The following DLEC1 variants were observed in gnomAD, a reference collection of about 807,000 sequenced individuals.
The protein encoded by DLEC1 is deleted in lung and esophageal cancer protein 1.
Under a neutral mutation model 198.1 loss-of-function variants are expected in DLEC1, and 146 were observed. That is an observed-to-expected ratio of 0.74 (90% CI 0.64 to 0.85). The LOEUF (loss-of-function observed/expected upper bound fraction) is 0.85. DLEC1 is among the 40% of genes least tolerant of loss of function. The pLI is 0.00. For missense variants in DLEC1, 2,233 were observed against 2,220.0 expected, an observed-to-expected ratio of 1.01 and a Z score of -0.12; for synonymous variants, 897 against 866.8, an observed-to-expected ratio of 1.03 and a Z score of -0.61.
At position 38,121,712 on chromosome 3, in the gene DLEC1, C is replaced by A. The variant is rs200713816; in HGVS notation, c.4951C>A (p.Gln1651Lys). The A allele has an allele frequency of 6.3e-5, 102 of 1,614,098 alleles. No homozygotes were observed. In the African/African-American group the frequency reaches 1.3e-3, roughly 21 times the overall value. Residue 1651 changes from glutamine to lysine, a missense_variant, in exon 35 of 37, where the codon CAG becomes AAG. Physicochemically the swap from Gln to Lys is moderately conservative, Grantham distance 53 (BLOSUM62 1). Coordinates refer to ENST00000308059, the MANE Select transcript of DLEC1 (RefSeq NM_007335.4). ...WVDFGTCFVS[Q>K]QRVREVYLMN... ...GGACTTTGGGACCTGCTTTGTGAGC[C>A]AGCAGCGAGTCCGGGAGGTCTACCT...
In DLEC1 at chr3:38,112,621, A is replaced by G. The variant is rs1049091555; in HGVS notation, c.3666+260A>G. 6.6e-6 allele frequency among the ~76,000 whole-genome samples: 1 copy of G among 152,192 alleles called. No individual in the cohort carries two copies. The highest frequency in any genetic ancestry group is 1.5e-5 in the Non-Finnish European group (1 of 68,026). On this transcript the variant is annotated intron_variant, in intron 25 of 36. Transcript: ENST00000308059. This position sits in a 1 kb window ranked among gnomAD's most constrained non-coding sequence, Gnocchi z 4.8. ...TCCCAGGAGATGCAGGGCTGGGGCCATATCGAGGAGGGAAGAGGAGACAGT... is the reference window on the plus strand; with the variant it reads ...TCCCAGGAGATGCAGGGCTGGGGCCGTATCGAGGAGGGAAGAGGAGACAGT...
intron 1 of DLEC1, among the ~76,000 whole-genome samples, chr3:38,041,125 C>T (rs937529358): frequency 2.3e-4 from 35 of 152,144 alleles, no homozygotes; most frequent in African/African-American, 8.0e-4. Context: ...ATTCTCCTGC[C>T]TCAGCCTTCT....
At position 38,062,748 on chromosome 3, in the gene DLEC1, TC is replaced by T. The variant is rs763260467; in HGVS notation, c.1043del (p.Pro348GlnfsTer7). ...RYGGKSLVFP[P>X]KKPAPIGEFQ... is the part of the protein sequence containing the mutation. ...ATGGAGGCAAGTCTCTTGTTTTTCC[TC>T]CAAAGAAGCCAGCACCGATAGGAGA... On this transcript the variant is annotated frameshift_variant, in exon 5 of 37. Coordinates refer to ENST00000308059, the MANE Select transcript of DLEC1 (RefSeq NM_007335.4). LOFTEE classifies it high-confidence loss of function. 2 of 1,614,024 alleles carry T rather than the reference TC, an allele frequency of 1.2e-6. No homozygotes were observed. Among genetic ancestry groups the T allele is most frequent in the Non-Finnish European group, 1.7e-6 (2 of 1,179,972 alleles).
In DLEC1 at chr3:38,114,986, C is replaced by T. The variant is rs201616763; in HGVS notation, c.3789C>T (p.Phe1263=). 776 of 1,613,232 alleles carry T rather than the reference C, an allele frequency of 4.8e-4. No homozygotes were observed. Among genetic ancestry groups the T allele is most frequent in the Non-Finnish European group, 6.2e-4 (728 of 1,179,526 alleles). ...DQAQKEPAMR[F]GTQVSGGDTV... ...AGTCCAGTCTGTCCCCCTCCAGGTT[C>T]GGCACCCAGGTCTCCGGAGGAGACA... Residue 1263 remains phenylalanine (F), a synonymous_variant, in exon 27 of 37, where the codon TTC becomes TTT. Transcript: ENST00000308059.
At position 38,120,307 on chromosome 3, in the gene DLEC1, T is replaced by C. The variant is rs992750750; in HGVS notation, c.4705-141T>C. 62 of 902,686 alleles carry C rather than the reference T, an allele frequency of 6.9e-5. 1 individual carries two copies. Among genetic ancestry groups the C allele is most frequent in the Non-Finnish European group, 1.0e-4 (57 of 564,204 alleles). 55.9% of individuals were successfully genotyped at this position (902,686 alleles called of 1,614,324 possible). Reference sequence around the variant, plus strand: ...TAGGTGCTGGGCAGCGCTTGTGGAATGAAAGCACCAGGTTGGGGAGCTGCT... The same window carrying C: ...TAGGTGCTGGGCAGCGCTTGTGGAACGAAAGCACCAGGTTGGGGAGCTGCT... On this transcript the variant is annotated intron_variant, in intron 33 of 36. Coordinates refer to ENST00000308059, the MANE Select transcript of DLEC1 (RefSeq NM_007335.4).
chr3:38,039,774 G>T, intron 1 of DLEC1, 138 bp downstream of exon 1: 1 of 1,180,616 alleles, frequency 8.5e-7, no homozygotes. Flanking sequence ...GCCGAAGTGG[G>T]CCCGACATTC....
intron 23 of DLEC1, among the ~76,000 whole-genome samples, chr3:38,111,236 C>T (rs899521212): frequency 6.6e-6 from 1 of 152,202 alleles, no homozygotes; most frequent in Non-Finnish European, 1.5e-5. Flanking sequence ...GTTTATAAGG[C>T]ATTAACTTTC....
intron 2 of DLEC1, among the ~76,000 whole-genome samples, chr3:38,054,768 T>C (rs1696266177): frequency 6.6e-6 from 1 of 152,218 alleles, no homozygotes; most frequent in African/African-American, 2.4e-5. Context: ...CCCAGGTCTC[T>C]CTGGATTTCC....
chr3:38,100,293 C>G lies in DLEC1; in HGVS notation c.2732C>G (p.Pro911Arg). Residue 911 changes from proline to arginine, a missense_variant, in exon 19 of 37, where the codon CCC becomes CGC. Coordinates refer to ENST00000308059, the MANE Select transcript of DLEC1 (RefSeq NM_007335.4). ...GAGTGTTCTCCGGGGCAGGTGTCTCCCTTCGACATTGAGCCTTCGAGTGGC... is the reference window on the plus strand; with the variant it reads ...GAGTGTTCTCCGGGGCAGGTGTCTCGCTTCGACATTGAGCCTTCGAGTGGC... The part of the protein sequence containing the change: ...SLQERPEDVS[P>R]FDIEPSSGQL... 6.2e-7 allele frequency: 1 copy of G among 1,610,634 alleles called. No homozygotes were observed. The highest frequency in any genetic ancestry group is 8.5e-7 in the Non-Finnish European group (1 of 1,178,816).
At position 38,095,886 on chromosome 3, in the gene DLEC1, A is replaced by G; in HGVS notation, c.2113-2A>G. The G allele has an allele frequency of 6.2e-7, 1 of 1,613,858 alleles. No homozygotes were observed. The highest frequency in any genetic ancestry group is 8.5e-7 in the Non-Finnish European group (1 of 1,179,972). The stretch of plus-strand genomic sequence containing the variant: ...TTTCAGGGCACTGTGTTTGCCTTGC[A>G]GCTGAGGGATTTTCACAGTGTGCTC... On this transcript the variant is annotated splice_acceptor_variant, in intron 13 of 36. Coordinates refer to ENST00000308059, the MANE Select transcript of DLEC1 (RefSeq NM_007335.4). LOFTEE classifies it high-confidence loss of function.
chr3:38,098,977 G>A (rs952187938), intron 18 of DLEC1, among the ~76,000 whole-genome samples: 14 of 152,162 alleles, frequency 9.2e-5, no homozygotes. Flanking sequence ...AAAGACTAAG[G>A]CTGGCGCTTG....
At position 38,085,394 on chromosome 3, in the gene DLEC1, C is replaced by T. The variant is rs993699190; in HGVS notation, c.1382C>T (p.Ala461Val). The T allele has an allele frequency of 6.2e-7, 1 of 1,614,126 alleles. No homozygotes were observed. The highest frequency in any genetic ancestry group is 2.2e-5 in the East Asian group (1 of 44,878). Residue 461 changes from alanine to valine, a missense_variant, in exon 8 of 37, where the codon GCC becomes GTC. Coordinates refer to ENST00000308059, the MANE Select transcript of DLEC1 (RefSeq NM_007335.4). ...TTTATTTTAGTGGAGACCCAGTCAG[C>T]CCACACACTTCTGATCCCCCTGCAG... ...DDFILVETQS[A>V]HTLLIPLQAR...
At chr3:38,094,777 G>C (rs1698920893) in intron 12 of DLEC1, 102 bp from the exon 13 acceptor site, 3 of 1,379,960 alleles carry the variant, frequency 2.2e-6, no homozygotes, top group Non-Finnish European at 3.0e-6. Context: ...CTGTTCCTAG[G>C]TCCTTTCCTG....
chr3:38,079,053 T>C (rs1487505646), intron 6 of DLEC1, among the ~76,000 whole-genome samples: 21 of 152,180 alleles, frequency 1.4e-4, no homozygotes, highest in Admixed American at 7.8e-4. Context: ...GATTAGGTTT[T>C]AATGAGATGG....
chr3:38,077,318 G>A (rs560255634), intron 6 of DLEC1, among the ~76,000 whole-genome samples: 21 of 152,312 alleles, frequency 1.4e-4, no homozygotes, highest in African/African-American at 4.8e-4. Flanking sequence ...AAGTGTTTTT[G>A]GGGCACAGTC....
intron 6 of DLEC1, among the ~76,000 whole-genome samples, chr3:38,073,907 C>G (rs933640329): frequency 1.3e-5 from 2 of 152,138 alleles, no homozygotes; most frequent in African/African-American, 2.4e-5. Flanking sequence ...CTGAGGTGAT[C>G]GGGCAGCATC....
chr3:38,100,484 T>A, intron 19 of DLEC1, 59 bp downstream of exon 19: 1 of 1,510,142 alleles, frequency 6.6e-7, no homozygotes, highest in Non-Finnish European at 8.8e-7. Flanking sequence ...GATGTATTTA[T>A]CTATATTATA....
chr3:38,056,109 AC>A (rs1559400250), intron 2 of DLEC1, among the ~76,000 whole-genome samples: 1,477 of 132,436 alleles, frequency 0.011, 10 homozygotes, highest in Middle Eastern at 0.035. Flanking sequence ...ACACACACAC[AC>A]ACACACAAAT....
At chr3:38,042,007 T>A (rs182918391) in intron 1 of DLEC1, among the ~76,000 whole-genome samples, 70 of 152,188 alleles carry the variant, frequency 4.6e-4, no homozygotes, top group Non-Finnish European at 7.5e-4. Context: ...TTATTTATTT[T>A]TTTGAGGCAG....
Sources: gnomAD v4.1 joint callset for allele counts (sites outside exome capture counted in the v4.1 genomes callset) on GRCh38, gnomAD v4.1.1 for gene constraint, Gnocchi (gnomAD v3.1) non-coding constraint, MANE v1.5 for transcripts, NCBI Gene and HGNC (gene_info 2026-07-23, HGNC 2026-07-21) for gene names.